SERPINF2: variants seen among roughly 807,000 people sequenced by gnomAD.
SERPINF2 encodes the protein serpin family F member 2, also known as alpha-2-antiplasmin.
SERPINF2 carries 15 observed loss-of-function variants against 45.0 expected under a neutral mutation model. That is an observed-to-expected ratio of 0.33 (90% CI 0.22 to 0.51). SERPINF2 has a LOEUF of 0.51. Among genes scored for constraint, SERPINF2 ranks in the 20% least tolerant of loss-of-function variants. The probability of loss-of-function intolerance (pLI) is 0.97; values close to 1 mark genes in which losing one functional copy is unlikely to be tolerated. For synonymous variants in SERPINF2, 283 were observed against 277.9 expected (o/e 1.02, Z -0.18); for missense variants, 518 against 637.4 (o/e 0.81, Z 2.02).
intron 8 of SERPINF2, among the ~76,000 whole-genome samples, chr17:1,750,214 T>A (rs1906254011): frequency 6.6e-6 from 1 of 152,160 alleles, no homozygotes; most frequent in Non-Finnish European, 1.5e-5. Flanking sequence ...AGTGGTGCAA[T>A]CTCGGTTCAC....
At chr17:1,753,851 A>G (rs917314314) in intron 9 of SERPINF2, among the ~76,000 whole-genome samples, 2 of 152,186 alleles carry the variant, frequency 1.3e-5, no homozygotes, top group Non-Finnish European at 2.9e-5. Flanking sequence ...TACTTACTAC[A>G]GCATAAGCGA....
chr17:1,748,705 C>CAGCGGG lies in SERPINF2; in HGVS notation c.823_824insAGCGGG (p.Leu275delinsGlnArgVal). On this transcript the variant is annotated protein_altering_variant, in exon 8 of 10. Coordinates refer to ENST00000453066, the MANE Select transcript of SERPINF2 (RefSeq NM_000934.4). ...AATGATGCAGGCCCGCACGTACCCG[C>CAGCGGG]TGCGCTGGTTCTTGCTGGAGCAGCC... 1 of 1,560,016 alleles carries CAGCGGG rather than the reference C, an allele frequency of 6.4e-7. No homozygotes were observed. The highest frequency in any genetic ancestry group is 8.8e-7 in the Non-Finnish European group (1 of 1,130,602).
At chr17:1,750,770 G>A (rs1213171471) in intron 8 of SERPINF2, among the ~76,000 whole-genome samples, 2 of 152,178 alleles carry the variant, frequency 1.3e-5, no homozygotes, top group African/African-American at 4.8e-5. Context: ...GCAGGGAGGA[G>A]CCAGAAGCCA....
Position 1,754,446 on chromosome 17 carries a change from TC to T in SERPINF2, c.1393del (p.Arg465AlafsTer10). On this transcript the variant is annotated frameshift_variant, in exon 10 of 10. Coordinates refer to ENST00000453066, the MANE Select transcript of SERPINF2 (RefSeq NM_000934.4). LOFTEE classifies it low-confidence loss of function (END_TRUNC). ...NKDFLQSLKG[F>X]PRGDKLFGPD... ...GACTTCCTCCAGAGCCTGAAAGGCT[TC>T]CCCCGCGGAGACAAGCTTTTCGGCC... 4 of 1,608,982 alleles carry T rather than the reference TC, an allele frequency of 2.5e-6. No homozygotes were observed. Among genetic ancestry groups the T allele is most frequent in the Non-Finnish European group, 3.4e-6 (4 of 1,176,702 alleles).
Position 1,754,733 on chromosome 17 carries a change from G to A in SERPINF2, c.*199G>A, listed in dbSNP as rs181358902. ...GAGGGCAGGCATCGGGGAGCCGGGAGCCTGACCCTCATCTTTCTTCCAAAC... is the reference window on the plus strand; with the variant it reads ...GAGGGCAGGCATCGGGGAGCCGGGAACCTGACCCTCATCTTTCTTCCAAAC... On this transcript the variant is annotated 3_prime_UTR_variant, in exon 10 of 10. Transcript: ENST00000453066. 4.3e-5 allele frequency: 28 copies of A among 648,510 alleles called. No individual in the cohort carries two copies. In the South Asian group the frequency reaches 5.3e-4, roughly 12 times the overall value. 40.2% of individuals were successfully genotyped at this position (648,510 alleles called of 1,614,324 possible).
chr17:1,751,078 A>T (rs1465989919), intron 8 of SERPINF2, among the ~76,000 whole-genome samples: 2 of 152,186 alleles, frequency 1.3e-5, no homozygotes, highest in African/African-American at 4.8e-5. Context: ...TCTGCCTGGA[A>T]CCCAAGGAGT....
chr17:1,746,134 A>C (rs538689114), intron 5 of SERPINF2, among the ~76,000 whole-genome samples: 1 of 152,264 alleles, frequency 6.6e-6, no homozygotes, highest in Non-Finnish European at 1.5e-5. Context: ...CCTGGCCAAC[A>C]TGGTGAAACT....
Position 1,752,675 on chromosome 17 carries a change from C to T in SERPINF2, c.948C>T (p.Asn316=). 3.1e-6 allele frequency: 5 copies of T among 1,614,172 alleles called. No homozygotes were observed. Among genetic ancestry groups the T allele is most frequent in the Non-Finnish European group, 4.2e-6 (5 of 1,180,028 alleles). ...GGAACGTGTCCCAGGTACTGGCCAA[C>T]CTGAGTTGGGACACCCTGCACCCAC... ...FEWNVSQVLA[N]LSWDTLHPPL... is the part of the protein sequence containing the mutation. Residue 316 remains asparagine (N), a synonymous_variant, in exon 9 of 10, where the codon AAC becomes AAT. Coordinates refer to ENST00000453066, the MANE Select transcript of SERPINF2 (RefSeq NM_000934.4).
At position 1,742,875 on chromosome 17, in the gene SERPINF2, G is replaced by T; in HGVS notation, c.-38G>T. 1.0e-6 allele frequency: 1 copy of T among 985,440 alleles called. No individual in the cohort carries two copies. Among genetic ancestry groups the T allele is most frequent in the Non-Finnish European group, 1.2e-6 (1 of 830,134 alleles). The allele number at this position is 985,440 out of a possible 1,614,324, so 61.0% of individuals were successfully genotyped here. A position where few individuals can be genotyped will look rare whatever the true frequency, so the allele number is the denominator to read the frequency against. ...GAGGAGCACCCAAGTGGGGCCAGAG[G>T]AACGTTGTGTGTGGCAGCAAGGAGC... On this transcript the variant is annotated 5_prime_UTR_variant, in exon 1 of 10. Transcript: ENST00000453066.
chr17:1,754,375 TG>T lies in SERPINF2; in HGVS notation c.1318del (p.Ala440HisfsTer21). ...VGSVRNPNPS[A>X]PRELKEQQDS... is the part of the protein sequence containing the mutation. Reference sequence around the variant, plus strand: ...GCAGCGTGAGGAACCCCAACCCCAGTGCACCGCGGGAGCTCAAGGAACAGCA... The same window carrying T: ...GCAGCGTGAGGAACCCCAACCCCAGTCACCGCGGGAGCTCAAGGAACAGCA... On this transcript the variant is annotated frameshift_variant, in exon 10 of 10. Transcript: ENST00000453066. LOFTEE classifies it low-confidence loss of function (END_TRUNC). 6.2e-7 allele frequency: 1 copy of T among 1,614,110 alleles called. No homozygotes were observed. The highest frequency in any genetic ancestry group is 8.5e-7 in the Non-Finnish European group (1 of 1,180,024).
At chr17:1,752,231 T>G (rs1906463697) in intron 8 of SERPINF2, among the ~76,000 whole-genome samples, 1 of 152,120 alleles carries the variant, frequency 6.6e-6, no homozygotes. Context: ...CATTTTTGTA[T>G]TTTTAGTAGA....
Position 1,755,193 on chromosome 17 carries a change from A to G in SERPINF2, c.*659A>G, listed in dbSNP as rs538755565. The G allele has an allele frequency of 6.5e-6, 1 of 153,230 alleles. No homozygotes were observed. The highest frequency in any genetic ancestry group is 2.1e-4 in the South Asian group (1 of 4,864). 9.5% of individuals were successfully genotyped at this position (153,230 alleles called of 1,614,324 possible). A position where few individuals can be genotyped will look rare whatever the true frequency, so the allele number is the denominator to read the frequency against. On this transcript the variant is annotated 3_prime_UTR_variant, in exon 10 of 10. Coordinates refer to ENST00000453066, the MANE Select transcript of SERPINF2 (RefSeq NM_000934.4). The surrounding 1 kb of genome is among the most constrained non-coding windows in gnomAD (Gnocchi z 4.2). ...AGGAACCGAGGCAGGGAAGGATCCC[A>G]TGAGCTCCTTAAGGCTCTTTTGTAA...
Position 1,754,346 on chromosome 17 carries a change from G to A in SERPINF2, c.1288G>A (p.Val430Met), listed in dbSNP as rs767217820. 1.2e-6 allele frequency: 2 copies of A among 1,614,082 alleles called. No individual in the cohort carries two copies. The highest frequency in any genetic ancestry group is 2.2e-5 in the East Asian group (1 of 44,886). ...FEDTTGLPLF[V>M]GSVRNPNPSA... The stretch of plus-strand genomic sequence containing the variant: ...GGACACCACAGGCCTTCCCCTCTTC[G>A]TGGGCAGCGTGAGGAACCCCAACCC... Residue 430 changes from valine to methionine, a missense_variant, in exon 10 of 10, where the codon GTG (valine) becomes ATG (methionine). This residue lies in a region of SERPINF2 where 435 missense variants were observed against 577.3 expected (regional missense o/e 0.75). Transcript: ENST00000453066.
chr17:1,744,862 T>C, intron 1 of SERPINF2, 130 bp from the exon 2 acceptor site: 2 of 1,556,686 alleles, frequency 1.3e-6, no homozygotes, highest in South Asian at 2.3e-5. Flanking sequence ...TCTGTTCTGA[T>C]TCTGGAGCCT....
chr17:1,747,321 A>G lies in SERPINF2; in HGVS notation c.524A>G (p.Lys175Arg). The change falls in exon 7 of 10, where the codon AAA becomes AGA. Residue 175 changes from lysine to arginine, a missense_variant. Transcript: ENST00000453066. ...RMYLQKGFPI[K>R]EDFLEQSEQL... Reference sequence around the variant, plus strand: ...TGCCTCCGTGCAGGATTTCCCATCAAAGAAGATTTCCTGGAACAATCCGAA... The same window carrying G: ...TGCCTCCGTGCAGGATTTCCCATCAGAGAAGATTTCCTGGAACAATCCGAA... 2 of 1,613,978 alleles carry G rather than the reference A, an allele frequency of 1.2e-6. No homozygotes were observed. The highest frequency in any genetic ancestry group is 8.5e-7 in the Non-Finnish European group (1 of 1,180,022).
Position 1,742,909 on chromosome 17 carries a change from GTA to G in SERPINF2, c.-5+3_-5+4del. On this transcript the variant is annotated splice_donor_variant and splice_donor_region_variant and intron_variant, in intron 1 of 9. Transcript: ENST00000453066. LOFTEE classifies it low-confidence loss of function (5UTR_SPLICE). ...GTGTGGCAGCAAGGAGCCCGCAGAG[GTA>G]TGAGGGGAGGGGCTGCTCGGCCTGC... 1.0e-6 allele frequency: 1 copy of G among 985,562 alleles called. No homozygotes were observed. Among genetic ancestry groups the G allele is most frequent in the African/African-American group, 1.7e-5 (1 of 57,300 alleles). 61.1% of individuals were successfully genotyped at this position (985,562 alleles called of 1,614,324 possible).
chr17:1,754,234 G>A lies in SERPINF2; in HGVS notation c.1176G>A (p.Glu392=), dbSNP rs866487564. 2 of 1,613,912 alleles carry A rather than the reference G, an allele frequency of 1.2e-6. No individual in the cohort carries two copies. Among genetic ancestry groups the A allele is most frequent in the Non-Finnish European group, 8.5e-7 (1 of 1,179,986 alleles). Residue 392 remains glutamate (E), a synonymous_variant, in exon 10 of 10, where the codon GAG becomes GAA. Coordinates refer to ENST00000453066, the MANE Select transcript of SERPINF2 (RefSeq NM_000934.4). The stretch of plus-strand genomic sequence containing the variant: ...TGGAGCTCAGCGAGGTCGGCGTGGA[G>A]GCGGCGGCGGCCACCAGCATTGCCA... ...STLELSEVGV[E]AAAATSIAMS...
Position 1,754,171 on chromosome 17 carries a change from G to T in SERPINF2, c.1113G>T (p.Gln371His), listed in dbSNP as rs1906632890. 2.5e-6 allele frequency: 4 copies of T among 1,611,536 alleles called. No homozygotes were observed. Among genetic ancestry groups the T allele is most frequent in the Non-Finnish European group, 3.4e-6 (4 of 1,180,032 alleles). The change falls in exon 10 of 10, where the codon CAG becomes CAT. Residue 371 changes from glutamine (Q) to histidine (H), a missense_variant. Physicochemically the swap from Gln to His is conservative, Grantham distance 24. Around this residue, in one of 2 missense-constraint regions of SERPINF2, gnomAD observed 435 missense variants for 577.3 expected, o/e 0.75. Coordinates refer to ENST00000453066, the MANE Select transcript of SERPINF2 (RefSeq NM_000934.4). ...QAPDLRGISEQSLVVSGVQHQ... is the reference protein window; with the variant it reads ...QAPDLRGISEHSLVVSGVQHQ... ...CAGACCTGCGTGGGATCTCCGAGCA[G>T]AGCCTGGTGGTGTCCGGCGTGCAGC...
At chr17:1,753,633 C>T (rs1351555476) in intron 9 of SERPINF2, among the ~76,000 whole-genome samples, 2 of 152,182 alleles carry the variant, frequency 1.3e-5, no homozygotes. Context: ...TTGCAGTGAG[C>T]CGAGATCACG....
Sources: gnomAD v4.1 joint callset for allele counts (sites outside exome capture counted in the v4.1 genomes callset) on GRCh38, gnomAD v4.1.1 for gene constraint, gnomAD v4.1.1 regional missense constraint, Gnocchi (gnomAD v3.1) non-coding constraint, MANE v1.5 for transcripts, NCBI Gene and HGNC (gene_info 2026-07-23, HGNC 2026-07-21) for gene names.